The following CLTCL1 variants were observed in gnomAD, a reference collection of about 807,000 sequenced individuals.
CLTCL1 encodes clathrin heavy chain like 1, also known as clathrin heavy chain 2.
CLTCL1 carries 159 observed loss-of-function variants against 190.0 expected under a neutral mutation model. That is an observed-to-expected ratio of 0.84 (90% CI 0.74 to 0.95). The LOEUF (loss-of-function observed/expected upper bound fraction) is 0.95, where lower values mean the gene tolerates loss of function less well. Ranked by LOEUF, CLTCL1 falls within the 40% of genes least tolerant of loss-of-function variation. CLTCL1 has a pLI of 0.00. For missense variants in CLTCL1, 1,878 were observed against 2,033.4 expected (o/e 0.92, Z 1.47); for synonymous variants, 752 against 769.6 (o/e 0.98, Z 0.38).
At chr22:19,192,104 C>T (rs782239757) in intron 26 of CLTCL1, among the ~76,000 whole-genome samples, 10 of 135,302 alleles carry the variant, frequency 7.4e-5, no homozygotes, top group South Asian at 4.7e-4. Flanking sequence ...CTCACTCTGT[C>T]GCCCAGGCTG....
chr22:19,193,952 A>C (rs1336788155), intron 26 of CLTCL1, among the ~76,000 whole-genome samples: 3 of 152,214 alleles, frequency 2.0e-5, no homozygotes, highest in African/African-American at 7.2e-5. Flanking sequence ...ACAACATGGA[A>C]AAAGACCCGA....
In CLTCL1 at chr22:19,180,742, G is replaced by A. The variant is rs782615518; in HGVS notation, c.4892C>T (p.Pro1631Leu). ...KQEEHVTEPA[P>L]LVFDFDGHE ...CAGGTGCCACCTACCAAACACGAGA[G>A]GGGCAGGCTCTGTCACATGCTCCTC... Residue 1631 changes from proline (P) to leucine (L), a missense_variant, in exon 31 of 33, where the codon CCT (proline) becomes CTT (leucine). Pro to Leu is a moderately conservative substitution (Grantham distance 98, BLOSUM62 -3). Transcript: ENST00000427926. 6.2e-7 allele frequency: 1 copy of A among 1,613,726 alleles called. No homozygotes were observed. Among genetic ancestry groups the A allele is most frequent in the South Asian group, 1.1e-5 (1 of 91,076 alleles).
chr22:19,231,884 A>G (rs2085927201), intron 10 of CLTCL1, among the ~76,000 whole-genome samples: 1 of 152,210 alleles, frequency 6.6e-6, no homozygotes, highest in South Asian at 2.1e-4. Flanking sequence ...CCAGATGTAC[A>G]AACACATACA....
At chr22:19,228,089 CCA>C (rs1569197992) in intron 11 of CLTCL1, among the ~76,000 whole-genome samples, 1 of 152,126 alleles carries the variant, frequency 6.6e-6, no homozygotes, top group Non-Finnish European at 1.5e-5. Context: ...CCAGGTATGG[CCA>C]CAGAGTGACC....
intron 30 of CLTCL1, 27 bp downstream of exon 30, chr22:19,183,363 G>A: frequency 6.3e-7 from 1 of 1,599,500 alleles, no homozygotes; most frequent in Non-Finnish European, 8.5e-7. Context: ...ACAGGGGCCG[G>A]GGAGCTGCAG....
At chr22:19,271,614 C>T (rs1313028318) in intron 2 of CLTCL1, among the ~76,000 whole-genome samples, 1 of 152,138 alleles carries the variant, frequency 6.6e-6, no homozygotes, top group Non-Finnish European at 1.5e-5. Flanking sequence ...GTCAATTCAA[C>T]CTCTTTTCTT....
chr22:19,218,302 G>A (rs1253572613), intron 18 of CLTCL1, among the ~76,000 whole-genome samples: 1 of 152,198 alleles, frequency 6.6e-6, no homozygotes, highest in Non-Finnish European at 1.5e-5. Context: ...TGATGTCTGG[G>A]AACCTGGATG....
chr22:19,194,249 ACCTCTCAAGAT>A (rs1555934189), intron 26 of CLTCL1, among the ~76,000 whole-genome samples: 1 of 152,160 alleles, frequency 6.6e-6, no homozygotes, highest in Non-Finnish European at 1.5e-5. Flanking sequence ...AGGTGGCGTC[ACCTCTCAAGAT>A]CACCTGAGGT....
chr22:19,190,638 A>G (rs1193039508), intron 27 of CLTCL1, among the ~76,000 whole-genome samples: 8 of 149,780 alleles, frequency 5.3e-5, no homozygotes, highest in African/African-American at 1.7e-4. Flanking sequence ...ATCACAGATC[A>G]CCATAACATA....
rs367602159 is a variant in CLTCL1 at position 19,201,502 on chromosome 22, A to G, written c.3601-9T>C. Reference sequence around the variant, plus strand: ...TAACAGCGGTCTCCAACCTACGGATAATAGGGTAGCTCGACTGAGACACTC... The same window carrying G: ...TAACAGCGGTCTCCAACCTACGGATGATAGGGTAGCTCGACTGAGACACTC... On this transcript the variant is annotated splice_polypyrimidine_tract_variant and intron_variant, in intron 22 of 32. Transcript: ENST00000427926. The G allele has an allele frequency of 4.0e-5, 65 of 1,607,072 alleles. No homozygotes were observed. In the African/African-American group the frequency reaches 7.8e-4, roughly 19 times the overall value.
intron 29 of CLTCL1, among the ~76,000 whole-genome samples, chr22:19,186,612 T>TA (rs1555928440): frequency 9.2e-6 from 1 of 108,938 alleles, no homozygotes; most frequent in South Asian, 3.8e-4. Flanking sequence ...TTCCTTTTTT[T>TA]TTTTCCGAGA....
At chr22:19,279,042 A>G (rs1407913111) in intron 1 of CLTCL1, among the ~76,000 whole-genome samples, 2 of 151,570 alleles carry the variant, frequency 1.3e-5, no homozygotes, top group Non-Finnish European at 2.9e-5. Context: ...ACAACTGGAT[A>G]GATTAGTGTT....
At chr22:19,282,252 C>A (rs1373581465) in intron 1 of CLTCL1, among the ~76,000 whole-genome samples, 3 of 151,570 alleles carry the variant, frequency 2.0e-5, no homozygotes, top group Non-Finnish European at 4.4e-5. Context: ...TTGCTTCAAC[C>A]CAGGAGGCGG....
chr22:19,196,766 C>T (rs2084722650), intron 24 of CLTCL1, 110 bp from the exon 25 acceptor site: 5 of 1,260,970 alleles, frequency 4.0e-6, no homozygotes, highest in African/African-American at 3.0e-5. Context: ...GGAATGATCC[C>T]GAGGAGGCAT....
intron 19 of CLTCL1, among the ~76,000 whole-genome samples, chr22:19,211,433 T>A (rs1190796165): frequency 6.6e-6 from 1 of 152,192 alleles, no homozygotes; most frequent in Non-Finnish European, 1.5e-5. Context: ...AAAGTTTCTT[T>A]TCTATAATGA....
At chr22:19,282,088 T>C (rs2087735933) in intron 1 of CLTCL1, among the ~76,000 whole-genome samples, 1 of 152,050 alleles carries the variant, frequency 6.6e-6, no homozygotes, top group African/African-American at 2.4e-5. Flanking sequence ...CCTAGCACTT[T>C]GGGAGGTCGA....
rs782734490 is a variant in CLTCL1, at chr22:19,188,031, T to C, written c.4384A>G (p.Ser1462Gly). 2 of 1,613,882 alleles carry C rather than the reference T, an allele frequency of 1.2e-6. No individual in the cohort carries two copies. Among genetic ancestry groups the C allele is most frequent in the African/African-American group, 1.3e-5 (1 of 74,924 alleles). ...LRSVQSHNNK[S>G]VNEALNHLLT... The stretch of plus-strand genomic sequence containing the variant: ...AGGTGGTTGAGTGCCTCATTCACAC[T>C]CTTGTTGTTGTGGCTCTGGACTGAC... Residue 1462 changes from serine (S) to glycine (G), a missense_variant, in exon 28 of 33, where the codon AGT (serine) becomes GGT (glycine). By Grantham distance (56) the Ser-to-Gly change is moderately conservative (BLOSUM62 0). Coordinates refer to ENST00000427926, the MANE Select transcript of CLTCL1 (RefSeq NM_007098.4).
chr22:19,287,993 G>C (rs958105647), intron 1 of CLTCL1, among the ~76,000 whole-genome samples: 2 of 152,108 alleles, frequency 1.3e-5, no homozygotes, highest in Non-Finnish European at 1.5e-5. Flanking sequence ...TAAGACCCCA[G>C]AAATAAACAA....
In CLTCL1 at chr22:19,225,448, T is replaced by C. The variant is rs1555955239; in HGVS notation, c.2128+5A>G. 4.4e-6 allele frequency: 7 copies of C among 1,573,728 alleles called. No homozygotes were observed. The highest frequency in any genetic ancestry group is 5.2e-6 in the Non-Finnish European group (6 of 1,158,352). Reference sequence around the variant, plus strand: ...GTGGGGTCGGCGAGAGGCTGCATGGTTTACCTTTGTAACTCTTGAAGGATT... The same window carrying C: ...GTGGGGTCGGCGAGAGGCTGCATGGCTTACCTTTGTAACTCTTGAAGGATT... On this transcript the variant is annotated splice_donor_5th_base_variant and intron_variant, in intron 13 of 32. Coordinates refer to ENST00000427926, the MANE Select transcript of CLTCL1 (RefSeq NM_007098.4).
Sources: gnomAD v4.1 joint callset for allele counts (sites outside exome capture counted in the v4.1 genomes callset) on GRCh38, gnomAD v4.1.1 for gene constraint, MANE v1.5 for transcripts, NCBI Gene and HGNC (gene_info 2026-07-23, HGNC 2026-07-21) for gene names.